The following CASP10 variants were observed in gnomAD, a reference collection of about 807,000 sequenced individuals.
The protein encoded by CASP10 is caspase 10.
A neutral mutation model predicts 48.5 loss-of-function variants in CASP10; 41 were observed. The observed-to-expected ratio is 0.85, with a 90% CI of 0.66 to 1.10. The LOEUF (loss-of-function observed/expected upper bound fraction) is 1.10, where lower values mean the gene tolerates loss of function less well. Ranked by LOEUF, CASP10 falls within the 50% of genes least tolerant of loss-of-function variation. CASP10 has a pLI of 0.00. For missense variants in CASP10, 614 were observed against 614.5 expected (o/e 1.00, Z 0.01); for synonymous variants, 232 against 238.4 (o/e 0.97, Z 0.25).
At chr2:201,207,586 G>A (rs997275382) in intron 7 of CASP10, among the ~76,000 whole-genome samples, 3 of 151,912 alleles carry the variant, frequency 2.0e-5, no homozygotes, top group African/African-American at 7.3e-5. Context: ...GTGAAACCCC[G>A]TCTCTACTAA....
In CASP10 at chr2:201,190,884, A is replaced by C. The variant is rs1047403166; in HGVS notation, c.442-2100A>C. On this transcript the variant is annotated intron_variant, in intron 3 of 9. Coordinates refer to ENST00000286186, the MANE Select transcript of CASP10 (RefSeq NM_032977.4). ...ATTATTATTATTATTATTTTTAGAC[A>C]GAGTTTCACTCTTGTTGCCCAGTCT... Among the ~76,000 whole-genome samples the C allele has an allele frequency of 2.6e-5, 4 of 151,794 alleles. No individual in the cohort carries two copies. The South Asian group carries it at 8.3e-4, about 32-fold the overall frequency.
intron 3 of CASP10, among the ~76,000 whole-genome samples, chr2:201,189,343 A>T (rs535007879): frequency 6.8e-6 from 1 of 147,072 alleles, no homozygotes; most frequent in African/African-American, 2.5e-5. Flanking sequence ...ATCTTGGCTC[A>T]CTGCAACCTC....
At chr2:201,188,776 G>A (rs1366275706) in intron 3 of CASP10, among the ~76,000 whole-genome samples, 5 of 151,860 alleles carry the variant, frequency 3.3e-5, no homozygotes, top group African/African-American at 7.3e-5. Flanking sequence ...GGAGGTACCT[G>A]ATTTTCTCTC....
intron 9 of CASP10, chr2:201,213,889 G>A (rs1399599611): frequency 1.3e-5 from 2 of 152,160 alleles, no homozygotes; most frequent in Non-Finnish European, 2.9e-5. Context: ...GGAAAGGATA[G>A]GCTATATGTT....
Position 201,200,604 on chromosome 2 carries a change from C to A in CASP10, c.685-3126C>A, listed in dbSNP as rs541896188. The A allele has an allele frequency of 1.6e-5, 24 of 1,510,924 alleles. No individual in the cohort carries two copies. In the Admixed American group the frequency reaches 3.2e-4, roughly 20 times the overall value. The allele number at this position is 1,510,924 out of a possible 1,614,324, so 93.6% of individuals were successfully genotyped here. On this transcript the variant is annotated intron_variant, in intron 5 of 9. Transcript: ENST00000286186. The stretch of plus-strand genomic sequence containing the variant: ...GGAGAGGCCTGCTCTTCGGCTCTGC[C>A]CTGAACCTCATTCGGCAGGTGGAGG...
chr2:201,189,727 G>C (rs1467739885), intron 3 of CASP10, among the ~76,000 whole-genome samples: 3 of 152,168 alleles, frequency 2.0e-5, no homozygotes, highest in Non-Finnish European at 1.5e-5. Context: ...GCTGGGCATG[G>C]TGGCTCATGC....
At position 201,195,963 on chromosome 2, in the gene CASP10, G is replaced by A. The variant is rs778362369; in HGVS notation, c.684+15G>A. 2 of 1,566,184 alleles carry A rather than the reference G, an allele frequency of 1.3e-6. No homozygotes were observed. The highest frequency in any genetic ancestry group is 3.3e-5 in the Admixed American group (2 of 59,958). The stretch of plus-strand genomic sequence containing the variant: ...AAGCCTTACCGGTAGGTTCAGTGGT[G>A]TGCTGGTCAATGCTTAACAACCGGC... On this transcript the variant is annotated intron_variant, in intron 5 of 9. Transcript: ENST00000286186.
At chr2:201,211,973 G>A (rs1463509527) in intron 9 of CASP10, among the ~76,000 whole-genome samples, 2 of 151,234 alleles carry the variant, frequency 1.3e-5, no homozygotes, top group African/African-American at 4.9e-5. Context: ...TTTTTTTTTA[G>A]ACAACATCTT....
intron 1 of CASP10, 49 bp from the exon 2 acceptor site, chr2:201,185,722 A>T (rs1000439250): frequency 2.2e-5 from 27 of 1,221,410 alleles, no homozygotes; most frequent in Non-Finnish European, 2.6e-5. Context: ...TCAGGGGGCC[A>T]TATGTCCTCA....
downstream of CASP10, among the ~76,000 whole-genome samples, chr2:201,221,824 G>A (rs556855494): frequency 5.3e-5 from 8 of 152,146 alleles, no homozygotes; most frequent in African/African-American, 1.4e-4. Flanking sequence ...ATCAGGAAAC[G>A]TTGTTTTTAG....
Position 201,209,221 on chromosome 2 carries a change from T to C in CASP10, c.1074T>C (p.His358=), listed in dbSNP as rs758339822. The C allele has an allele frequency of 2.5e-6, 4 of 1,614,134 alleles. No homozygotes were observed. The highest frequency in any genetic ancestry group is 3.4e-6 in the Non-Finnish European group (4 of 1,180,032). ...GDCFVFCILT[H]GRFGAVYSSD... is the part of the protein sequence containing the mutation. Reference sequence around the variant, plus strand: ...GCTTCGTGTTCTGTATTCTGACCCATGGGAGATTTGGAGCTGTCTACTCTT... The same window carrying C: ...GCTTCGTGTTCTGTATTCTGACCCACGGGAGATTTGGAGCTGTCTACTCTT... The change falls in exon 9 of 10, where the codon CAT becomes CAC. Residue 358 remains histidine, a synonymous_variant. Coordinates refer to ENST00000286186, the MANE Select transcript of CASP10 (RefSeq NM_032977.4).
chr2:201,222,837 G>T (rs1384791828), downstream of CASP10, among the ~76,000 whole-genome samples: 1 of 152,116 alleles, frequency 6.6e-6, no homozygotes, highest in South Asian at 2.1e-4. Context: ...AATCAATAAT[G>T]ATCAAATCTC....
chr2:201,228,826 A>T, intron 9 of CASP10: 2 of 878,776 alleles, frequency 2.3e-6, no homozygotes, highest in Non-Finnish European at 3.7e-6. Flanking sequence ...AATTGAAAGT[A>T]CAGCTGCCCA....
At chr2:201,186,416 T>C (rs922284911) in intron 2 of CASP10, 1 of 408,368 alleles carries the variant, frequency 2.4e-6, no homozygotes, top group African/African-American at 2.0e-5. Flanking sequence ...TTTCCCTGCT[T>C]ACCAGCGGCT....
intron 6 of CASP10, 52 bp downstream of exon 6, chr2:201,203,818 G>A (rs1486970880): frequency 1.4e-6 from 2 of 1,402,310 alleles, no homozygotes; most frequent in Non-Finnish European, 2.0e-6. Context: ...GGTAGGGATA[G>A]ACATATTTGA....
chr2:201,209,135 G>A lies in CASP10; in HGVS notation c.988G>A (p.Val330Met). The change falls in exon 9 of 10, where the codon GTG becomes ATG. Residue 330 changes from valine to methionine, a missense_variant. By Grantham distance (21) the Val-to-Met change is conservative (BLOSUM62 1). Coordinates refer to ENST00000286186, the MANE Select transcript of CASP10 (RefSeq NM_032977.4). Reference sequence around the variant, plus strand: ...GCATATACACAATAATGTGACGAAAGTGGAAATGGAGATGGTCCTGCAGAA... The same window carrying A: ...GCATATACACAATAATGTGACGAAAATGGAAATGGAGATGGTCCTGCAGAA... ...TVHIHNNVTK[V>M]EMEMVLQKQK... 4 of 1,611,424 alleles carry A rather than the reference G, an allele frequency of 2.5e-6. No homozygotes were observed. Among genetic ancestry groups the A allele is most frequent in the Non-Finnish European group, 3.4e-6 (4 of 1,179,278 alleles).
Position 201,218,386 on chromosome 2 carries a change from T to C in CASP10, c.*645T>C. ...GGTGGGATCACTGTTCACTGCAGCC[T>C]TGACCTCCCAGGTTCAAGCGATCCT... On this transcript the variant is annotated 3_prime_UTR_variant, in exon 10 of 10. Coordinates refer to ENST00000286186, the MANE Select transcript of CASP10 (RefSeq NM_032977.4). The C allele has an allele frequency of 1.1e-6, 1 of 933,108 alleles. No homozygotes were observed. Among genetic ancestry groups the C allele is most frequent in the Non-Finnish European group, 1.3e-6 (1 of 782,010 alleles). 57.8% of individuals were successfully genotyped at this position (933,108 alleles called of 1,614,324 possible).
In CASP10 at chr2:201,221,092, C is replaced by T. The variant is rs901313139; in HGVS notation, c.*3351C>T. On this transcript the variant is annotated 3_prime_UTR_variant, in exon 10 of 10. Coordinates refer to ENST00000286186, the MANE Select transcript of CASP10 (RefSeq NM_032977.4). ...AATGCCTTTAGGTGGTAGGGTCTTC[C>T]GGTTGTAACTGCAACAGAAATAGCA... 7.1e-6 allele frequency: 7 copies of T among 985,266 alleles called. No homozygotes were observed. Among genetic ancestry groups the T allele is most frequent in the East Asian group, 1.1e-4 (1 of 8,822 alleles). The allele number at this position is 985,266 out of a possible 1,614,324, so 61.0% of individuals were successfully genotyped here.
intron 5 of CASP10, among the ~76,000 whole-genome samples, chr2:201,202,565 C>A (rs1945056273): frequency 6.6e-6 from 1 of 152,202 alleles, no homozygotes; most frequent in Admixed American, 6.5e-5. Flanking sequence ...TGGACAAAAC[C>A]AGAAGGCAGT....
Sources: gnomAD v4.1 joint callset for allele counts (sites outside exome capture counted in the v4.1 genomes callset) on GRCh38, gnomAD v4.1.1 for gene constraint, MANE v1.5 for transcripts, NCBI Gene and HGNC (gene_info 2026-07-23, HGNC 2026-07-21) for gene names.